Variants in NCAM1 observed in about 807,000 individuals in gnomAD.
The protein encoded by NCAM1 is antigen recognized by monoclonal antibody 5.1H11.
In NCAM1, 14 loss-of-function variants were observed where a neutral mutation model predicts 109.8. That is an observed-to-expected ratio of 0.13 (90% confidence interval 0.08 to 0.20). The LOEUF (loss-of-function observed/expected upper bound fraction) is 0.20, where lower values mean the gene tolerates loss of function less well. Among genes scored for constraint, NCAM1 ranks in the 10% least tolerant of loss-of-function variants. The pLI is 1.00. For missense variants in NCAM1, 774 were observed against 1,109.9 expected (o/e 0.70, Z 4.30); for synonymous variants, 418 against 442.9 (o/e 0.94, Z 0.70).
chr11:112,998,243 T>C lies in NCAM1; in HGVS notation c.52+36579T>C, dbSNP rs143255323. ...GTTTTCATCATAAAAGAGGTTGAAA[T>C]TGCAGAGTAATTTCTACTGAACTGT... On this transcript the variant is annotated intron_variant, in intron 1 of 19. Coordinates refer to ENST00000316851, the MANE Select transcript of NCAM1 (RefSeq NM_181351.5). Among the ~76,000 whole-genome samples, 756 of 152,264 alleles carry C rather than the reference T, an allele frequency of 5.0e-3. 5 individuals are homozygous for C. Among genetic ancestry groups the C allele is most frequent in the African/African-American group, 0.017 (705 of 41,530 alleles).
intron 1 of NCAM1, among the ~76,000 whole-genome samples, chr11:113,010,434 T>C (rs1555074182): frequency 3.3e-5 from 5 of 152,218 alleles, no homozygotes; most frequent in African/African-American, 1.2e-4. Flanking sequence ...CTTATTCTGA[T>C]GAATAACAGG....
rs1555063365 is a variant in NCAM1 at position 112,962,084 on chromosome 11, GT to G, written c.52+421del. Among the ~76,000 whole-genome samples, 1 of 152,168 alleles carries G rather than the reference GT, an allele frequency of 6.6e-6. No homozygotes were observed. The highest frequency in any genetic ancestry group is 2.4e-5 in the African/African-American group (1 of 41,452). On this transcript the variant is annotated intron_variant, in intron 1 of 19. Coordinates refer to ENST00000316851, the MANE Select transcript of NCAM1 (RefSeq NM_181351.5). The surrounding 1 kb of genome is among the most constrained non-coding windows in gnomAD (Gnocchi z 5.6). The stretch of plus-strand genomic sequence containing the variant: ...TCGGATTCCGAGGGGGAAGTGGCTT[GT>G]CAGCCCCGGCTCCGGGAAGAGTGAA...
At chr11:113,162,442 C>T (rs560886439) in intron 1 of NCAM1, among the ~76,000 whole-genome samples, 3 of 152,244 alleles carry the variant, frequency 2.0e-5, no homozygotes, top group African/African-American at 4.8e-5. Flanking sequence ...GAGACCAAGG[C>T]GCCTGCTGTT....
chr11:112,966,790 G>A (rs369582896), intron 1 of NCAM1, among the ~76,000 whole-genome samples: 4 of 152,186 alleles, frequency 2.6e-5, no homozygotes, highest in Non-Finnish European at 4.4e-5. Flanking sequence ...GTTTCAATAC[G>A]TTACATTTAA....
At chr11:112,998,465 AT>A (rs1306799868) in intron 1 of NCAM1, among the ~76,000 whole-genome samples, 1 of 152,122 alleles carries the variant, frequency 6.6e-6, no homozygotes, top group Non-Finnish European at 1.5e-5. Flanking sequence ...TGTTCTACTA[AT>A]AAATTATGGT....
intron 1 of NCAM1, among the ~76,000 whole-genome samples, chr11:112,985,090 C>G (rs938981119): frequency 1.3e-5 from 2 of 151,620 alleles, no homozygotes; most frequent in African/African-American, 4.8e-5. Flanking sequence ...CAATTTCATT[C>G]TTTTGCCTGT....
chr11:113,169,055 T>A, intron 1 of NCAM1, among the ~76,000 whole-genome samples: 1 of 110,050 alleles, frequency 9.1e-6, no homozygotes. Context: ...TGTGTGTGTG[T>A]GTGTGTGTGT....
intron 7 of NCAM1, among the ~76,000 whole-genome samples, chr11:113,209,850 G>A (rs946041525): frequency 5.9e-5 from 9 of 152,238 alleles, no homozygotes; most frequent in African/African-American, 2.2e-4. Flanking sequence ...CTCTGGTCCT[G>A]TGTGATGTAA....
chr11:112,975,843 A>G (rs1555067609), intron 1 of NCAM1, among the ~76,000 whole-genome samples: 1 of 151,962 alleles, frequency 6.6e-6, no homozygotes, highest in East Asian at 1.9e-4. Flanking sequence ...GAATATTTTT[A>G]TTATTTGTAT....
intron 1 of NCAM1, among the ~76,000 whole-genome samples, chr11:113,162,418 A>G (rs914425873): frequency 4.6e-5 from 7 of 152,132 alleles, no homozygotes; most frequent in Non-Finnish European, 1.0e-4. Flanking sequence ...GCTGGCTGCT[A>G]ACATAGAAGT....
Position 112,961,435 on chromosome 11 carries a change from A to G in NCAM1, c.-178A>G, listed in dbSNP as rs781948052. On this transcript the variant is annotated 5_prime_UTR_variant, in exon 1 of 20. Transcript: ENST00000316851. ...TGGGACTGTCACTCATTCTCCGATC[A>G]GCGCGTGAACGCAGCTCGGCTGCCG... 2.6e-6 allele frequency: 2 copies of G among 765,178 alleles called. No individual in the cohort carries two copies. Among genetic ancestry groups the G allele is most frequent in the Admixed American group, 1.7e-5 (1 of 57,546 alleles). The allele number at this position is 765,178 out of a possible 1,614,324, so 47.4% of individuals were successfully genotyped here.
At chr11:113,021,870 G>A (rs1324224363) in intron 1 of NCAM1, among the ~76,000 whole-genome samples, 1 of 152,160 alleles carries the variant, frequency 6.6e-6, no homozygotes, top group African/African-American at 2.4e-5. Flanking sequence ...AAATAGCAAA[G>A]GTAGATAATT....
chr11:113,206,453 T>C (rs1053839174), intron 5 of NCAM1, among the ~76,000 whole-genome samples: 2 of 150,352 alleles, frequency 1.3e-5, no homozygotes, highest in Non-Finnish European at 3.0e-5. Context: ...ACTTTCCCCC[T>C]GCTTACCTAT....
intron 1 of NCAM1, among the ~76,000 whole-genome samples, chr11:113,138,896 C>T (rs369573611): frequency 1.2e-4 from 18 of 152,300 alleles, no homozygotes; most frequent in East Asian, 5.8e-4. Flanking sequence ...TCTACTCTTC[C>T]AATGTAGGAA....
chr11:113,057,980 G>A (rs781815828), intron 1 of NCAM1, among the ~76,000 whole-genome samples: 6 of 152,130 alleles, frequency 3.9e-5, no homozygotes, highest in Admixed American at 6.6e-5. Context: ...GAAGAGCCTG[G>A]TTGTCATTAA....
At chr11:113,154,570 TTGGC>T (rs1156838852) in intron 1 of NCAM1, among the ~76,000 whole-genome samples, 1 of 152,216 alleles carries the variant, frequency 6.6e-6, no homozygotes, top group Non-Finnish European at 1.5e-5. Flanking sequence ...TGTGTTGATT[TTGGC>T]TGTGAGCATG....
At chr11:113,198,373 A>T (rs1334417189) in intron 1 of NCAM1, among the ~76,000 whole-genome samples, 1 of 144,550 alleles carries the variant, frequency 6.9e-6, no homozygotes, top group Admixed American at 7.0e-5. Context: ...TGATATTAGA[A>T]TTTTTTTTTT....
chr11:113,246,539 C>T (rs45602031), intron 15 of NCAM1, among the ~76,000 whole-genome samples, 169 bp downstream of exon 15: 7,672 of 152,244 alleles, frequency 0.05, 231 homozygotes, highest in Middle Eastern at 0.11. Context: ...CTTGACATGA[C>T]GATTTGGTAT....
rs549753599 is a variant in NCAM1 at position 113,232,429 on chromosome 11, A to G, written c.1425+75A>G. The G allele has an allele frequency of 7.8e-6, 11 of 1,414,416 alleles. No homozygotes were observed. In the South Asian group the frequency reaches 8.0e-5, roughly 10 times the overall value. 87.6% of individuals were successfully genotyped at this position (1,414,416 alleles called of 1,614,324 possible). Reference sequence around the variant, plus strand: ...TAGGTGGGCTCCAAAATGCAGCTCAAGTCCTCTCTCCTGCTTCTCTGGCAC... The same window carrying G: ...TAGGTGGGCTCCAAAATGCAGCTCAGGTCCTCTCTCCTGCTTCTCTGGCAC... On this transcript the variant is annotated intron_variant, in intron 11 of 19. Transcript: ENST00000316851.
Sources: gnomAD v4.1 joint callset for allele counts (sites outside exome capture counted in the v4.1 genomes callset) on GRCh38, gnomAD v4.1.1 for gene constraint, Gnocchi (gnomAD v3.1) non-coding constraint, MANE v1.5 for transcripts, NCBI Gene and HGNC (gene_info 2026-07-23, HGNC 2026-07-21) for gene names.